The following NUMB variants were observed in gnomAD, a reference collection of about 807,000 sequenced individuals.
The protein encoded by NUMB is NUMB endocytic adaptor protein.
A neutral mutation model predicts 59.7 loss-of-function variants in NUMB; 29 were observed. The ratio of observed to expected loss-of-function variants is 0.49; its 90% CI spans 0.36 to 0.66. The LOEUF is 0.66. Ranked by LOEUF, NUMB falls within the 30% of genes least tolerant of loss-of-function variation. The pLI is 0.00. For missense variants in NUMB, 723 were observed against 822.0 expected (o/e 0.88, Z 1.47); for synonymous variants, 288 against 288.2 (o/e 1.00, Z 0.01).
At chr14:73,438,495 C>T (rs1882784710) in intron 1 of NUMB, among the ~76,000 whole-genome samples, 1 of 151,838 alleles carries the variant, frequency 6.6e-6, no homozygotes, top group Non-Finnish European at 1.5e-5. Context: ...GCCAGGTGTG[C>T]TGACGCACAT....
intron 1 of NUMB, among the ~76,000 whole-genome samples, chr14:73,418,068 G>A (rs1028688206): frequency 6.6e-6 from 1 of 151,822 alleles, no homozygotes; most frequent in Non-Finnish European, 1.5e-5. Context: ...TCATGCCACT[G>A]TACTCCAGCC....
chr14:73,370,337 T>A (rs1384643509), intron 2 of NUMB, among the ~76,000 whole-genome samples: 1 of 152,100 alleles, frequency 6.6e-6, no homozygotes, highest in African/African-American at 2.4e-5. Flanking sequence ...TTAAAGCAAA[T>A]AAATATAGAA....
chr14:73,414,056 G>C (rs1897017082), intron 1 of NUMB, among the ~76,000 whole-genome samples: 1 of 151,690 alleles, frequency 6.6e-6, no homozygotes, highest in Non-Finnish European at 1.5e-5. Flanking sequence ...TCGGGTTCAA[G>C]GGATTCTCAT....
At chr14:73,357,565 C>G (rs967602239) in intron 3 of NUMB, among the ~76,000 whole-genome samples, 1 of 151,812 alleles carries the variant, frequency 6.6e-6, no homozygotes, top group Non-Finnish European at 1.5e-5. Flanking sequence ...GAATTTGAGA[C>G]CAGCCTGGCC....
At chr14:73,331,864 C>T (rs1891999096) in intron 4 of NUMB, among the ~76,000 whole-genome samples, 1 of 152,136 alleles carries the variant, frequency 6.6e-6, no homozygotes, top group Non-Finnish European at 1.5e-5. Context: ...AACTCTGAGT[C>T]AATTAAACCT....
At chr14:73,401,609 G>A (rs146952618) in intron 2 of NUMB, among the ~76,000 whole-genome samples, 7,006 of 128,436 alleles carry the variant, frequency 0.055, 583 homozygotes, top group African/African-American at 0.2. Context: ...TCGCTCTGTC[G>A]CCCAGGCTGG....
intron 1 of NUMB, among the ~76,000 whole-genome samples, chr14:73,437,261 G>A (rs914436680): frequency 6.6e-6 from 1 of 151,984 alleles, no homozygotes; most frequent in African/African-American, 2.4e-5. Flanking sequence ...GCCCAGGCTG[G>A]CCTGGAACTG....
rs529298575 is a variant in NUMB at position 73,367,294 on chromosome 14, T to C, written c.-100-313A>G. 4.8e-3 allele frequency among the ~76,000 whole-genome samples: 563 copies of C among 116,788 alleles called. 3 individuals carry two copies. Among genetic ancestry groups the C allele is most frequent in the East Asian group, 0.01 (46 of 4,514 alleles). 76.6% of individuals were successfully genotyped at this position (116,788 alleles called of 152,430 possible). ...AAATAAAATACTATATATATATATA[T>C]ATACACACACACACACACACACACA... is the stretch of plus-strand genomic sequence containing the variant. On this transcript the variant is annotated intron_variant, in intron 2 of 12. Transcript: ENST00000555238.
intron 4 of NUMB, among the ~76,000 whole-genome samples, chr14:73,331,781 C>G (rs1425630513): frequency 1.3e-5 from 2 of 152,150 alleles, no homozygotes; most frequent in Non-Finnish European, 2.9e-5. Context: ...CTCTCATTCT[C>G]TCTCCTGCCA....
intron 5 of NUMB, among the ~76,000 whole-genome samples, chr14:73,318,960 T>C (rs982208435): frequency 5.9e-5 from 9 of 152,220 alleles, no homozygotes; most frequent in African/African-American, 2.2e-4. Flanking sequence ...ATCTCTTTCC[T>C]CAATTGTTCA....
At chr14:73,449,617 T>A (rs748944734) in intron 1 of NUMB, among the ~76,000 whole-genome samples, 2 of 152,194 alleles carry the variant, frequency 1.3e-5, no homozygotes, top group African/African-American at 4.8e-5. Flanking sequence ...ATTTACCCCA[T>A]GTTTCAGTCT....
intron 1 of NUMB, among the ~76,000 whole-genome samples, chr14:73,435,997 C>A (rs1281604345): frequency 6.7e-6 from 1 of 148,378 alleles, no homozygotes; most frequent in Non-Finnish European, 1.5e-5. Flanking sequence ...TAGAGCAAGA[C>A]TCTGTTTCAA....
intron 2 of NUMB, among the ~76,000 whole-genome samples, chr14:73,398,392 CAGAG>C (rs1171734636): frequency 1.9e-4 from 25 of 133,750 alleles, no homozygotes; most frequent in Middle Eastern, 3.9e-3. Flanking sequence ...GAGACACACA[CAGAG>C]AGAGAGAGAG....
chr14:73,291,183 C>T (rs1416118514), intron 8 of NUMB, among the ~76,000 whole-genome samples: 4 of 150,088 alleles, frequency 2.7e-5, no homozygotes, highest in Admixed American at 2.0e-4. Flanking sequence ...TGGGTTCAAG[C>T]GATTCTCGTG....
chr14:73,385,052 C>T (rs1435169898), intron 2 of NUMB, among the ~76,000 whole-genome samples: 4 of 151,998 alleles, frequency 2.6e-5, no homozygotes, highest in African/African-American at 9.7e-5. Flanking sequence ...AGCCACCATG[C>T]CTGGCCCAGA....
At chr14:73,389,287 A>AAAAC (rs1555377222) in intron 2 of NUMB, among the ~76,000 whole-genome samples, 2 of 97,342 alleles carry the variant, frequency 2.1e-5, no homozygotes, top group African/African-American at 1.5e-4. Flanking sequence ...AAAAAAAAAA[A>AAAAC]AAAAAACAAA....
intron 4 of NUMB, among the ~76,000 whole-genome samples, chr14:73,345,942 A>G (rs567262537): frequency 1.3e-5 from 2 of 152,228 alleles, no homozygotes; most frequent in African/African-American, 4.8e-5. Context: ...AAATTTAAAG[A>G]TATTTAATTC....
intron 1 of NUMB, among the ~76,000 whole-genome samples, chr14:73,449,100 A>C (rs1883747971): frequency 1.3e-5 from 2 of 152,240 alleles, no homozygotes; most frequent in East Asian, 3.8e-4. Context: ...ATATCATATT[A>C]GGTTGGTGTA....
At chr14:73,332,241 T>C in intron 4 of NUMB, among the ~76,000 whole-genome samples, 1 of 151,978 alleles carries the variant, frequency 6.6e-6, no homozygotes, top group East Asian at 1.9e-4. Flanking sequence ...CTTTAGCTAA[T>C]AAATTCTTTT....
Sources: gnomAD v4.1 joint callset for allele counts (sites outside exome capture counted in the v4.1 genomes callset) on GRCh38, gnomAD v4.1.1 for gene constraint, MANE v1.5 for transcripts, NCBI Gene and HGNC (gene_info 2026-07-23, HGNC 2026-07-21) for gene names.